Variants in ZNF804A observed in about 807,000 individuals in gnomAD.
ZNF804A encodes zinc finger protein 804A.
In ZNF804A, 2 loss-of-function variants were observed where a neutral mutation model predicts 16.5. The ratio of observed to expected loss-of-function variants is 0.12; its 90% CI spans 0.05 to 0.38. The LOEUF is 0.38. Among genes scored for constraint, ZNF804A ranks in the 10% least tolerant of loss-of-function variants. The pLI is 0.99. For missense variants in ZNF804A, 1,473 were observed against 1,390.7 expected, an observed-to-expected ratio of 1.06 and a Z score of -0.94; for synonymous variants, 534 against 489.6, an observed-to-expected ratio of 1.09 and a Z score of -1.20.
intron 1 of ZNF804A, among the ~76,000 whole-genome samples, chr2:184,704,399 G>C (rs971941789): frequency 2.0e-5 from 3 of 151,992 alleles, no homozygotes; most frequent in African/African-American, 7.2e-5. Flanking sequence ...TGATCCACCC[G>C]CCTCAGCCTC....
chr2:184,762,092 T>C (rs1341074077), intron 1 of ZNF804A, among the ~76,000 whole-genome samples: 2 of 151,724 alleles, frequency 1.3e-5, no homozygotes, highest in African/African-American at 4.8e-5. Flanking sequence ...CTCTCTCTCT[T>C]TTTTTTTCTC....
Position 184,866,543 on chromosome 2 carries a change from T to C in ZNF804A, c.255+31T>C, listed in dbSNP as rs776778949. The C allele has an allele frequency of 8.2e-6, 13 of 1,582,318 alleles. No individual in the cohort carries two copies. The South Asian group carries it at 1.4e-4, about 17-fold the overall frequency. On this transcript the variant is annotated intron_variant, in intron 2 of 3. Transcript: ENST00000302277. ...AAAGAGATGTGAAAAAATTCTGGCA[T>C]TTCTGGACTTGTGTAATAGTTTTAA...
At chr2:184,819,812 A>G (rs1386119768) in intron 1 of ZNF804A, among the ~76,000 whole-genome samples, 1 of 152,058 alleles carries the variant, frequency 6.6e-6, no homozygotes, top group Non-Finnish European at 1.5e-5. Flanking sequence ...AAACTAGAAA[A>G]TCTAGAAGAA....
In ZNF804A at chr2:184,632,289, C is replaced by T. The variant is rs537290812; in HGVS notation, c.111+33219C>T. 3.9e-4 allele frequency among the ~76,000 whole-genome samples: 59 copies of T among 152,254 alleles called. No individual in the cohort carries two copies. In the South Asian group the frequency reaches 0.012, roughly 31 times the overall value. On this transcript the variant is annotated intron_variant, in intron 1 of 3. Transcript: ENST00000302277. The stretch of plus-strand genomic sequence containing the variant: ...TATTATATTATTTTATGTTTTCAAT[C>T]AGTGAGTTTAACTATTAATGCTAAA...
At chr2:184,620,818 T>A (rs964875167) in intron 1 of ZNF804A, among the ~76,000 whole-genome samples, 12 of 151,770 alleles carry the variant, frequency 7.9e-5, no homozygotes, top group Non-Finnish European at 1.5e-4. Context: ...ATTGATTTCA[T>A]TAGTTGTAAA....
At chr2:184,826,531 A>G (rs1013250573) in intron 1 of ZNF804A, among the ~76,000 whole-genome samples, 4 of 152,086 alleles carry the variant, frequency 2.6e-5, no homozygotes, top group African/African-American at 7.2e-5. Context: ...TTATATTTTA[A>G]TGGTCTGCTA....
intron 1 of ZNF804A, among the ~76,000 whole-genome samples, chr2:184,788,718 T>C: frequency 6.6e-6 from 1 of 152,068 alleles, no homozygotes; most frequent in East Asian, 1.9e-4. Flanking sequence ...AATCATCAGG[T>C]GTAGGAGTCT....
intron 1 of ZNF804A, among the ~76,000 whole-genome samples, chr2:184,679,781 G>T (rs1408398200): frequency 6.6e-6 from 1 of 152,190 alleles, no homozygotes; most frequent in Admixed American, 6.5e-5. Flanking sequence ...AGGGTGGCTT[G>T]TCATGGGCTG....
chr2:184,781,763 A>G (rs1293893846), intron 1 of ZNF804A, among the ~76,000 whole-genome samples: 1 of 151,648 alleles, frequency 6.6e-6, no homozygotes, highest in Non-Finnish European at 1.5e-5. Context: ...AGAGAAAACA[A>G]TCTTTCTGAA....
intron 2 of ZNF804A, among the ~76,000 whole-genome samples, chr2:184,911,306 G>T (rs1685353645): frequency 6.6e-6 from 1 of 151,648 alleles, no homozygotes; most frequent in African/African-American, 2.4e-5. Flanking sequence ...TCCTGGGTTT[G>T]CTCTTCGGTT....
At chr2:184,626,867 G>C (rs1167962927) in intron 1 of ZNF804A, among the ~76,000 whole-genome samples, 1 of 152,162 alleles carries the variant, frequency 6.6e-6, no homozygotes, top group Admixed American at 6.5e-5. Flanking sequence ...ATGGGTATGA[G>C]CAGAGAAGAC....
In ZNF804A at chr2:184,826,222, A is replaced by G. The variant is rs575566519; in HGVS notation, c.112-40147A>G. 1.3e-4 allele frequency among the ~76,000 whole-genome samples: 20 copies of G among 152,178 alleles called. No individual in the cohort carries two copies. In the South Asian group the frequency reaches 2.5e-3, roughly 19 times the overall value. On this transcript the variant is annotated intron_variant, in intron 1 of 3. Transcript: ENST00000302277. The stretch of plus-strand genomic sequence containing the variant: ...TAAATAATGGAATGTGACATTTTCT[A>G]TATTTCAAAACTGTACATCTATTTG...
chr2:184,640,590 A>G (rs79367978), intron 1 of ZNF804A, among the ~76,000 whole-genome samples: 2,012 of 152,262 alleles, frequency 0.013, 30 homozygotes, highest in African/African-American at 0.045. Context: ...AGATACTAAC[A>G]TTATTAACAA....
At chr2:184,613,757 A>G (rs2105673997) in intron 1 of ZNF804A, among the ~76,000 whole-genome samples, 1 of 152,314 alleles carries the variant, frequency 6.6e-6, no homozygotes, top group African/African-American at 2.4e-5. Flanking sequence ...AAGGAGAACT[A>G]CAAACCACTG....
chr2:184,885,430 A>G (rs992531646), intron 2 of ZNF804A, among the ~76,000 whole-genome samples: 1 of 152,178 alleles, frequency 6.6e-6, no homozygotes, highest in African/African-American at 2.4e-5. Flanking sequence ...AAGACAGGAA[A>G]TCAAGCTAAA....
intron 2 of ZNF804A, among the ~76,000 whole-genome samples, chr2:184,874,837 T>A (rs1226414469): frequency 2.6e-5 from 4 of 152,174 alleles, no homozygotes; most frequent in African/African-American, 4.8e-5. Context: ...AAGCACAGGA[T>A]TTTATTAATG....
At chr2:184,692,397 C>T (rs972215702) in intron 1 of ZNF804A, among the ~76,000 whole-genome samples, 2 of 152,182 alleles carry the variant, frequency 1.3e-5, no homozygotes, top group Non-Finnish European at 1.5e-5. Context: ...TCCTGCCAAC[C>T]ACCCATAACT....
intron 2 of ZNF804A, among the ~76,000 whole-genome samples, chr2:184,929,677 A>C (rs1320485265): frequency 6.6e-6 from 1 of 152,120 alleles, no homozygotes; most frequent in Non-Finnish European, 1.5e-5. Flanking sequence ...TTATCTGCTG[A>C]TTAGCTCTGG....
intron 1 of ZNF804A, among the ~76,000 whole-genome samples, chr2:184,829,923 C>CA (rs1558974950): frequency 1.7e-4 from 11 of 66,444 alleles, no homozygotes; most frequent in South Asian, 4.5e-4. Flanking sequence ...AAAAAAAAAA[C>CA]AAAAACAAAA....
Sources: allele counts gnomAD v4.1 joint callset (sites outside exome capture counted in the v4.1 genomes callset), GRCh38; gene constraint gnomAD v4.1.1; transcripts MANE v1.5; gene names NCBI Gene and HGNC (gene_info 2026-07-23, HGNC 2026-07-21).